The following SHPK variants were observed in gnomAD, a reference collection of about 807,000 sequenced individuals.
SHPK encodes sedoheptulokinase, also known as carbohydrate kinase-like protein.
Under a neutral mutation model 46.3 loss-of-function variants are expected in SHPK, and 51 were observed. The ratio of observed to expected loss-of-function variants is 1.10; its 90% CI spans 0.88 to 1.39. SHPK has a LOEUF of 1.39. Among genes scored for constraint, SHPK ranks in the 40% most tolerant of loss-of-function variants. The probability of loss-of-function intolerance (pLI) is 0.00; values close to 1 mark genes in which losing one functional copy is unlikely to be tolerated. For missense variants in SHPK, 668 were observed against 641.3 expected (o/e 1.04, Z -0.45); for synonymous variants, 290 against 273.9 (o/e 1.06, Z -0.58).
intron 6 of SHPK, among the ~76,000 whole-genome samples, chr17:3,612,940 C>A (rs1022181718): frequency 1.1e-4 from 17 of 152,072 alleles, no homozygotes; most frequent in African/African-American, 3.9e-4. Context: ...TTAGTAGAGA[C>A]GGTGTTTCAC....
chr17:3,628,398 C>T (rs947528235), intron 2 of SHPK, among the ~76,000 whole-genome samples: 7 of 151,674 alleles, frequency 4.6e-5, no homozygotes, highest in Non-Finnish European at 8.8e-5. Flanking sequence ...TCTCGGCTCA[C>T]TGCAACCTCT....
rs751802052 is a variant in SHPK at position 3,613,056 on chromosome 17, CT to C, written c.1025-2085del. On this transcript the variant is annotated intron_variant, in intron 6 of 6. Coordinates refer to ENST00000225519, the MANE Select transcript of SHPK (RefSeq NM_013276.4). ...TGAGCCACCACGCCCAGCCAGGGAT[CT>C]TTTTAACACATAGCTTGGACTCAGA... Among the ~76,000 whole-genome samples, 6 of 151,872 alleles carry C rather than the reference CT, an allele frequency of 4.0e-5. No homozygotes were observed. In the South Asian group the frequency reaches 1.2e-3, roughly 32 times the overall value.
chr17:3,615,153 G>A (rs1224178773), intron 6 of SHPK, among the ~76,000 whole-genome samples, 184 bp downstream of exon 6: 1 of 152,162 alleles, frequency 6.6e-6, no homozygotes, highest in African/African-American at 2.4e-5. Flanking sequence ...GCAGCTTGGA[G>A]GACAAGAAGA....
chr17:3,625,731 A>G (rs1457156095), intron 2 of SHPK, among the ~76,000 whole-genome samples: 1 of 152,204 alleles, frequency 6.6e-6, no homozygotes, highest in African/African-American at 2.4e-5. Context: ...GGTTGGAGGT[A>G]GTTTGTTGTG....
intron 6 of SHPK, among the ~76,000 whole-genome samples, chr17:3,611,185 C>T (rs1468565583): frequency 1.3e-5 from 2 of 152,216 alleles, no homozygotes; most frequent in East Asian, 3.8e-4. Flanking sequence ...CCCAGCCAGA[C>T]ATCAGGGTGA....
intron 5 of SHPK, among the ~76,000 whole-genome samples, chr17:3,618,753 C>T (rs2075382178): frequency 6.6e-6 from 1 of 151,312 alleles, no homozygotes. Flanking sequence ...GCACTCCAGC[C>T]TGGGTGAGAG....
At chr17:3,635,236 A>AGGAAG (rs1555556002) in intron 1 of SHPK, among the ~76,000 whole-genome samples, 46 of 132,478 alleles carry the variant, frequency 3.5e-4, no homozygotes, top group Middle Eastern at 4.1e-3. Context: ...GAAGGAAGGA[A>AGGAAG]GGAAGGAAGG....
intron 5 of SHPK, chr17:3,619,236 AT>A (rs1555554128): frequency 6.3e-6 from 4 of 632,626 alleles, no homozygotes; most frequent in Non-Finnish European, 1.1e-5. Context: ...AAGATTTTAC[AT>A]GTATTTTGGA....
intron 2 of SHPK, among the ~76,000 whole-genome samples, chr17:3,625,020 G>A (rs1047221184): frequency 6.6e-6 from 1 of 151,632 alleles, no homozygotes; most frequent in East Asian, 1.9e-4. Flanking sequence ...TTTTTCATTT[G>A]TGCCTTGTGA....
intron 6 of SHPK, 89 bp from the exon 7 acceptor site, chr17:3,611,061 G>T: frequency 8.2e-7 from 1 of 1,223,184 alleles, no homozygotes; most frequent in Non-Finnish European, 1.1e-6. Flanking sequence ...GGTGGGAACA[G>T]CGCTACTTGC....
Position 3,636,204 on chromosome 17 carries a change from TC to T in SHPK, c.15del (p.Ile6SerfsTer12), listed in dbSNP as rs1405714417. The T allele has an allele frequency of 1.9e-6, 3 of 1,604,410 alleles. No homozygotes were observed. Among genetic ancestry groups the T allele is most frequent in the Non-Finnish European group, 2.6e-6 (3 of 1,173,868 alleles). On this transcript the variant is annotated frameshift_variant, in exon 1 of 7. Coordinates refer to ENST00000225519, the MANE Select transcript of SHPK (RefSeq NM_013276.4). LOFTEE classifies it high-confidence loss of function. MAAR[P>X]ITLGIDLGTT... ...GTGCCCAGGTCAATGCCGAGGGTGA[TC>T]GGCCGCGCAGCCATTATCTCCCTGA...
chr17:3,619,121 CTTAAA>C lies in SHPK; in HGVS notation c.823+2111_823+2115del, dbSNP rs1165864567. The C allele has an allele frequency of 2.2e-4, 57 of 265,012 alleles. No individual in the cohort carries two copies. The Middle Eastern group carries it at 3.6e-3, about 17-fold the overall frequency. The allele number at this position is 265,012 out of a possible 1,614,324, so 16.4% of individuals were successfully genotyped here. A position where few individuals can be genotyped will look rare whatever the true frequency, so the allele number is the denominator to read the frequency against. On this transcript the variant is annotated intron_variant, in intron 5 of 6. Coordinates refer to ENST00000225519, the MANE Select transcript of SHPK (RefSeq NM_013276.4). Reference sequence around the variant, plus strand: ...ATAAAGGCAAACTAAATTTACATAACTTAAATTGTTATTTTTTTTTCTGCCTCTAG... The same window carrying C: ...ATAAAGGCAAACTAAATTTACATAACTTGTTATTTTTTTTTCTGCCTCTAG...
rs978374547 is a variant in SHPK, at chr17:3,614,678, T to A, written c.1024+659A>T. On this transcript the variant is annotated intron_variant, in intron 6 of 6. Coordinates refer to ENST00000225519, the MANE Select transcript of SHPK (RefSeq NM_013276.4). ...GCCTGGCCAACATGGCAAAACCCCA[T>A]CTCTAGTAAAAAGACAAAAATTTGC... 7.3e-5 allele frequency among the ~76,000 whole-genome samples: 11 copies of A among 151,282 alleles called. No homozygotes were observed. In the East Asian group the frequency reaches 1.6e-3, roughly 21 times the overall value.
intron 1 of SHPK, among the ~76,000 whole-genome samples, chr17:3,632,060 G>A (rs1460466158): frequency 2.0e-5 from 3 of 151,698 alleles, no homozygotes; most frequent in East Asian, 1.9e-4. Context: ...AGGTTCATGC[G>A]AGTCTCCTGC....
intron 3 of SHPK, 23 bp from the exon 4 acceptor site, chr17:3,623,514 C>G: frequency 1.2e-6 from 2 of 1,612,922 alleles, no homozygotes; most frequent in Non-Finnish European, 1.7e-6. Flanking sequence ...CCAAAAACAA[C>G]CAACACGGTA....
intron 6 of SHPK, 142 bp downstream of exon 6, chr17:3,615,194 TG>T: frequency 1.4e-6 from 1 of 724,852 alleles, no homozygotes. Context: ...TCCCAAAGGA[TG>T]GGAGAAATAT....
rs755810674 is a variant in SHPK at position 3,621,368 on chromosome 17, G to C, written c.692C>G (p.Ala231Gly). Residue 231 changes from alanine (A) to glycine (G), a missense_variant, in exon 5 of 7, where the codon GCC becomes GGC. Coordinates refer to ENST00000225519, the MANE Select transcript of SHPK (RefSeq NM_013276.4). The stretch of plus-strand genomic sequence containing the variant: ...TCTGCCCGCCACACTGCCAGGCTCG[G>C]CGATGTCTGGGAGCAGGTGGACAGG... ...GFPVHLLPDI[A>G]EPGSVAGRTS... The C allele has an allele frequency of 6.2e-7, 1 of 1,614,164 alleles. No homozygotes were observed. The highest frequency in any genetic ancestry group is 8.5e-7 in the Non-Finnish European group (1 of 1,180,004).
chr17:3,618,334 T>C (rs2075379785), intron 5 of SHPK, among the ~76,000 whole-genome samples: 1 of 152,034 alleles, frequency 6.6e-6, no homozygotes, highest in South Asian at 2.1e-4. Flanking sequence ...CTTGAACTCC[T>C]GACCTCATGA....
At chr17:3,629,961 C>A (rs1364088700) in intron 2 of SHPK, among the ~76,000 whole-genome samples, 1 of 152,160 alleles carries the variant, frequency 6.6e-6, no homozygotes, top group African/African-American at 2.4e-5. Context: ...AAAACACTCT[C>A]TTCCCTCTGC....
Sources: gnomAD v4.1 joint callset for allele counts (sites outside exome capture counted in the v4.1 genomes callset) on GRCh38, gnomAD v4.1.1 for gene constraint, MANE v1.5 for transcripts, NCBI Gene and HGNC (gene_info 2026-07-23, HGNC 2026-07-21) for gene names.